CCDC178: variants seen among roughly 807,000 people sequenced by gnomAD.
CCDC178 encodes coiled-coil domain-containing protein 178.
Under a neutral mutation model 117.4 loss-of-function variants are expected in CCDC178, and 126 were observed. That is an observed-to-expected ratio of 1.07 (90% CI 0.93 to 1.24). CCDC178 has a LOEUF of 1.24. Among genes scored for constraint, CCDC178 ranks in the 50% most tolerant of loss-of-function variants. The pLI is 0.00. For missense variants in CCDC178, 1,030 were observed against 986.9 expected, an observed-to-expected ratio of 1.04 and a Z score of -0.59; for synonymous variants, 283 against 313.4, an observed-to-expected ratio of 0.90 and a Z score of 1.02.
chr18:33,199,973 T>C (rs768026383), intron 20 of CCDC178, among the ~76,000 whole-genome samples: 1 of 152,174 alleles, frequency 6.6e-6, no homozygotes, highest in African/African-American at 2.4e-5. Context: ...AAACCTGATA[T>C]ATATATATTT....
At chr18:33,202,674 C>G (rs2059005910) in intron 20 of CCDC178, among the ~76,000 whole-genome samples, 1 of 152,170 alleles carries the variant, frequency 6.6e-6, no homozygotes, top group Admixed American at 6.5e-5. Context: ...TTATCTGCAA[C>G]TAGTGCCTAC....
In CCDC178 at chr18:33,199,421, G is replaced by C. The variant is rs536861364; in HGVS notation, c.2238+12475C>G. On this transcript the variant is annotated intron_variant, in intron 20 of 22. Coordinates refer to ENST00000383096, the MANE Select transcript of CCDC178 (RefSeq NM_001105528.4). Reference sequence around the variant, plus strand: ...AGTCTTCTCTTCCTGTCTATCTCTTGTTCCACCTATCATACTCTTTTACTT... The same window carrying C: ...AGTCTTCTCTTCCTGTCTATCTCTTCTTCCACCTATCATACTCTTTTACTT... Among the ~76,000 whole-genome samples, 50 of 152,210 alleles carry C rather than the reference G, an allele frequency of 3.3e-4. No homozygotes were observed. The South Asian group carries it at 6.7e-3, about 20-fold the overall frequency.
At chr18:33,437,163 G>A (rs748834878) in intron 2 of CCDC178, among the ~76,000 whole-genome samples, 5 of 152,032 alleles carry the variant, frequency 3.3e-5, no homozygotes, top group Non-Finnish European at 7.4e-5. Flanking sequence ...AGAATTTGTC[G>A]CAAGTGTAAT....
intron 20 of CCDC178, among the ~76,000 whole-genome samples, chr18:33,190,529 T>G (rs1028646395): frequency 5.3e-5 from 8 of 152,208 alleles, no homozygotes; most frequent in Non-Finnish European, 8.8e-5. Flanking sequence ...CGTAATTATT[T>G]TCTCTAAGTA....
chr18:33,295,118 A>T (rs1299187585), intron 11 of CCDC178, among the ~76,000 whole-genome samples: 1 of 152,188 alleles, frequency 6.6e-6, no homozygotes, highest in African/African-American at 2.4e-5. Context: ...GGGATAGCCA[A>T]ATAGATAAAT....
At chr18:33,072,415 A>G (rs1463476919) in intron 21 of CCDC178, among the ~76,000 whole-genome samples, 1 of 152,172 alleles carries the variant, frequency 6.6e-6, no homozygotes, top group Non-Finnish European at 1.5e-5. Context: ...TTACAAATAT[A>G]TAATATGCAA....
intron 11 of CCDC178, 105 bp downstream of exon 11, chr18:33,323,386 T>G: frequency 1.5e-6 from 1 of 676,450 alleles, no homozygotes; most frequent in East Asian, 3.4e-5. Context: ...ATTTAAAATT[T>G]TATTTTTCTC....
At chr18:32,979,451 G>A (rs554116969) in intron 21 of CCDC178, among the ~76,000 whole-genome samples, 1 of 152,166 alleles carries the variant, frequency 6.6e-6, no homozygotes, top group Admixed American at 6.5e-5. Flanking sequence ...GAGCCGCTGC[G>A]CCCGGTCCAT....
intron 3 of CCDC178, among the ~76,000 whole-genome samples, chr18:33,405,997 C>T (rs144134328): frequency 5.9e-5 from 9 of 151,950 alleles, no homozygotes; most frequent in East Asian, 3.9e-4. Flanking sequence ...GATAGGAAGA[C>T]GGAATGCAAA....
intron 21 of CCDC178, among the ~76,000 whole-genome samples, chr18:33,014,907 A>G (rs2055948964): frequency 6.6e-6 from 1 of 152,210 alleles, no homozygotes; most frequent in Non-Finnish European, 1.5e-5. Flanking sequence ...GCCAAATTAT[A>G]TTAATTGAAA....
At chr18:33,413,468 G>GA (rs139369594) in intron 2 of CCDC178, among the ~76,000 whole-genome samples, 136 of 150,444 alleles carry the variant, frequency 9.0e-4, no homozygotes, top group Middle Eastern at 3.4e-3. Context: ...AAAATTACTG[G>GA]AAAAATTAAA....
chr18:33,349,083 T>A lies in CCDC178; in HGVS notation c.372-108A>T, dbSNP rs2062935878. ...TTTAAATATTTGTGGTGAAACTTAC[T>A]ATACAAGATAATCTTACTAGATAGG... On this transcript the variant is annotated intron_variant, in intron 7 of 22. Coordinates refer to ENST00000383096, the MANE Select transcript of CCDC178 (RefSeq NM_001105528.4). The A allele has an allele frequency of 8.0e-6, 5 of 626,876 alleles. No individual in the cohort carries two copies. In the Admixed American group the frequency reaches 1.6e-4, roughly 20 times the overall value. The allele number at this position is 626,876 out of a possible 1,614,324, so 38.8% of individuals were successfully genotyped here.
intron 9 of CCDC178, among the ~76,000 whole-genome samples, chr18:33,337,757 C>T (rs921853728): frequency 6.6e-6 from 1 of 152,090 alleles, no homozygotes; most frequent in Non-Finnish European, 1.5e-5. Context: ...CAAAAATCAA[C>T]TCAAAATGGA....
chr18:33,350,303 CAT>C (rs1260159738), intron 7 of CCDC178, among the ~76,000 whole-genome samples: 2 of 151,960 alleles, frequency 1.3e-5, no homozygotes, highest in Non-Finnish European at 2.9e-5. Flanking sequence ...AGTCTCATAA[CAT>C]ATTAAACATT....
At chr18:33,406,442 TA>T (rs1317619985) in intron 3 of CCDC178, among the ~76,000 whole-genome samples, 1 of 152,016 alleles carries the variant, frequency 6.6e-6, no homozygotes, top group African/African-American at 2.4e-5. Context: ...GAAAGACTAC[TA>T]TATAAAATAA....
intron 21 of CCDC178, among the ~76,000 whole-genome samples, chr18:33,001,331 A>T (rs1317446776): frequency 2.6e-5 from 4 of 152,058 alleles, no homozygotes; most frequent in Non-Finnish European, 5.9e-5. Flanking sequence ...AATCCTAGCT[A>T]ACACAGTGAA....
At chr18:33,375,623 A>C (rs1479703569) in intron 5 of CCDC178, among the ~76,000 whole-genome samples, 1 of 152,202 alleles carries the variant, frequency 6.6e-6, no homozygotes, top group Non-Finnish European at 1.5e-5. Context: ...CAAAGCAGAA[A>C]GGCTACGGAA....
At chr18:33,198,922 G>C (rs1219559327) in intron 20 of CCDC178, among the ~76,000 whole-genome samples, 2 of 152,048 alleles carry the variant, frequency 1.3e-5, no homozygotes, top group African/African-American at 4.8e-5. Flanking sequence ...ATGCTTCTCA[G>C]AGTTAAGGGA....
intron 21 of CCDC178, among the ~76,000 whole-genome samples, chr18:32,979,928 A>G (rs1042323658): frequency 6.6e-6 from 1 of 152,232 alleles, no homozygotes; most frequent in Admixed American, 6.5e-5. Flanking sequence ...AATGTAACAT[A>G]TGACAGAGAT....
Sources: allele counts gnomAD v4.1 joint callset (sites outside exome capture counted in the v4.1 genomes callset), GRCh38; gene constraint gnomAD v4.1.1; transcripts MANE v1.5; gene names NCBI Gene and HGNC (gene_info 2026-07-23, HGNC 2026-07-21).